The following ANK3 variants were observed in gnomAD, a reference collection of about 807,000 sequenced individuals.
ANK3 encodes the protein ankyrin-3.
In ANK3, 57 loss-of-function variants were observed where a neutral mutation model predicts 370.9. The ratio of observed to expected loss-of-function variants is 0.15; its 90% CI spans 0.12 to 0.19. The LOEUF (loss-of-function observed/expected upper bound fraction) is 0.19, where lower values mean the gene tolerates loss of function less well. ANK3 is among the 10% of genes least tolerant of loss of function. The pLI, the probability that ANK3 is intolerant of heterozygous loss-of-function variation, is 1.00. For missense variants in ANK3, 4,439 were observed against 5,302.1 expected, an observed-to-expected ratio of 0.84 and a Z score of 5.06; for synonymous variants, 1,929 against 1,946.3, an observed-to-expected ratio of 0.99 and a Z score of 0.23.
intron 2 of ANK3, among the ~76,000 whole-genome samples, chr10:60,433,456 G>A (rs548091399): frequency 6.6e-6 from 1 of 152,248 alleles, no homozygotes; most frequent in East Asian, 1.9e-4. Context: ...CCCAGGTGTA[G>A]TGGTGCACAA....
At chr10:60,613,796 G>A (rs541726026) in intron 2 of ANK3, among the ~76,000 whole-genome samples, 12 of 152,204 alleles carry the variant, frequency 7.9e-5, no homozygotes, top group African/African-American at 2.6e-4. Flanking sequence ...AATTCAGACC[G>A]GGTACCATGG....
At position 60,072,738 on chromosome 10, in the gene ANK3, G is replaced by C; in HGVS notation, c.8143C>G (p.Leu2715Val). ...QSGFQLKQSK[L>V]SSIRLKFEQG... ...TCAAATTTTAATCTAATGGAACTGA[G>C]TTTAGATTGTTTGAGCTGGAATCCA... Residue 2715 changes from leucine (L) to valine (V), a missense_variant, in exon 37 of 44, where the codon CTC becomes GTC. Physicochemically the swap from Leu to Val is conservative, Grantham distance 32. Coordinates refer to ENST00000280772, the MANE Select transcript of ANK3 (RefSeq NM_020987.5). 1 of 1,614,124 alleles carries C rather than the reference G, an allele frequency of 6.2e-7. No individual in the cohort carries two copies. Among genetic ancestry groups the C allele is most frequent in the Non-Finnish European group, 8.5e-7 (1 of 1,180,014 alleles).
In ANK3 at chr10:60,134,310, G is replaced by A. The variant is rs1352588258; in HGVS notation, c.2802C>T (p.Ser934=). The change falls in exon 25 of 44, where the codon AGC becomes AGT. Residue 934 remains serine, a synonymous_variant. Coordinates refer to ENST00000280772, the MANE Select transcript of ANK3 (RefSeq NM_020987.5). ...TLNRSSYARD[S]MMIEELLVPS... is the part of the protein sequence containing the mutation. ...GCACAAGGAGTTCTTCAATCATCATGCTGTCCCGTGCATAGGAGCTTCTGT... is the reference window on the plus strand; with the variant it reads ...GCACAAGGAGTTCTTCAATCATCATACTGTCCCGTGCATAGGAGCTTCTGT... 2 of 1,613,918 alleles carry A rather than the reference G, an allele frequency of 1.2e-6. No individual in the cohort carries two copies. The highest frequency in any genetic ancestry group is 2.2e-5 in the South Asian group (2 of 91,070).
intron 17 of ANK3, among the ~76,000 whole-genome samples, chr10:60,186,345 G>GTC (rs9299439): frequency 5.9e-5 from 7 of 117,746 alleles, no homozygotes; most frequent in African/African-American, 2.1e-4. Flanking sequence ...TTATCTTTCT[G>GTC]TCTTTTTTTT....
intron 2 of ANK3, among the ~76,000 whole-genome samples, chr10:60,563,334 C>T (rs920952390): frequency 6.6e-6 from 1 of 152,118 alleles, no homozygotes; most frequent in African/African-American, 2.4e-5. Context: ...CAAAAACAAG[C>T]CCCTTTCCTC....
rs1225954107 is a variant in ANK3 at position 60,196,597 on chromosome 10, G to A, written c.1718C>T (p.Ala573Val). 6 of 1,609,076 alleles carry A rather than the reference G, an allele frequency of 3.7e-6. No homozygotes were observed. Among genetic ancestry groups the A allele is most frequent in the Non-Finnish European group, 5.1e-6 (6 of 1,178,202 alleles). ...GGCGACTTCAAGCTTTCCATATTTT[G>A]CTGCCACATGAAGAGGAGTAAATCC... The part of the protein sequence containing the change: ...KKGFTPLHVA[A>V]KYGKLEVANL... The change falls in exon 15 of 44, where the codon GCA becomes GTA. Residue 573 changes from alanine (A) to valine (V), a missense_variant. Ala to Val is a moderately conservative substitution (Grantham distance 64, BLOSUM62 0). Transcript: ENST00000280772.
At chr10:60,415,921 C>CCG (rs2063655232) in intron 2 of ANK3, among the ~76,000 whole-genome samples, 1 of 111,962 alleles carries the variant, frequency 8.9e-6, no homozygotes, top group Non-Finnish European at 1.9e-5. Flanking sequence ...TTTGTGCCCC[C>CCG]CACCCCCCCG....
rs74770827 is a variant in ANK3 at position 60,302,560 on chromosome 10, G to A, written c.115-22921C>T. Among the ~76,000 whole-genome samples, 1,035 of 152,240 alleles carry A rather than the reference G, an allele frequency of 6.8e-3. 29 individuals carry two copies. The East Asian group carries it at 0.096, about 14-fold the overall frequency. The stretch of plus-strand genomic sequence containing the variant: ...TTCTCTGTTTGTGAGAAAGAAGCTA[G>A]AGTTCAGAGAGATCAAGAACTTGCC... On this transcript the variant is annotated intron_variant, in intron 1 of 43. Coordinates refer to ENST00000280772, the MANE Select transcript of ANK3 (RefSeq NM_020987.5).
intron 2 of ANK3, among the ~76,000 whole-genome samples, chr10:60,584,624 A>AAAC (rs1017206382): frequency 2.0e-5 from 3 of 152,092 alleles, no homozygotes; most frequent in African/African-American, 4.8e-5. Flanking sequence ...CTCCTAATGA[A>AAAC]AACAACAACA....
intron 2 of ANK3, among the ~76,000 whole-genome samples, chr10:60,497,663 A>G (rs973686277): frequency 6.6e-6 from 1 of 152,216 alleles, no homozygotes; most frequent in Non-Finnish European, 1.5e-5. Flanking sequence ...GGTATTCTTT[A>G]TAATAGTATT....
At chr10:60,488,150 C>T (rs182411007) in intron 2 of ANK3, among the ~76,000 whole-genome samples, 5 of 152,248 alleles carry the variant, frequency 3.3e-5, no homozygotes, top group Admixed American at 2.0e-4. Flanking sequence ...GAAACAAATA[C>T]TAAAAAGTGT....
chr10:60,557,857 G>T (rs1407052302), intron 2 of ANK3, among the ~76,000 whole-genome samples: 1 of 152,132 alleles, frequency 6.6e-6, no homozygotes, highest in East Asian at 1.9e-4. Flanking sequence ...ACACTTCACT[G>T]CATTGTTGTT....
intron 1 of ANK3, among the ~76,000 whole-genome samples, chr10:60,343,424 T>C (rs751457955): frequency 7.2e-5 from 11 of 152,102 alleles, no homozygotes; most frequent in Non-Finnish European, 8.8e-5. Flanking sequence ...ATAAACGTAA[T>C]CTCTGGAAGA....
At chr10:60,048,502 G>T (rs1489624245) in intron 42 of ANK3, among the ~76,000 whole-genome samples, 1 of 152,106 alleles carries the variant, frequency 6.6e-6, no homozygotes, top group Non-Finnish European at 1.5e-5. Flanking sequence ...GACCCCTGCA[G>T]ATAGCAAAAT....
At chr10:60,357,427 C>T (rs375974921) in intron 1 of ANK3, among the ~76,000 whole-genome samples, 8 of 152,282 alleles carry the variant, frequency 5.3e-5, no homozygotes, top group African/African-American at 1.9e-4. Context: ...TATCGATCAC[C>T]TCCCTCTTAT....
chr10:60,342,190 C>G (rs2054432105), intron 1 of ANK3, among the ~76,000 whole-genome samples: 1 of 152,042 alleles, frequency 6.6e-6, no homozygotes. Context: ...AAGCATGAAT[C>G]AGACTGAAAT....
rs557461985 is a variant in ANK3, at chr10:60,171,045, A to G, written c.2478+1263T>C. ...GTTCTCTTCTCCTTTCCTATCCTAG[A>G]TAGAGCTACATGGGATATAAAATTA... On this transcript the variant is annotated intron_variant, in intron 21 of 43. Coordinates refer to ENST00000280772, the MANE Select transcript of ANK3 (RefSeq NM_020987.5). Among the ~76,000 whole-genome samples, 166 of 152,286 alleles carry G rather than the reference A, an allele frequency of 1.1e-3. 2 individuals carry two copies. The highest frequency in any genetic ancestry group is 3.6e-3 in the African/African-American group (150 of 41,552).
At chr10:60,710,158 G>A (rs1444469831) in intron 1 of ANK3, among the ~76,000 whole-genome samples, 2 of 152,138 alleles carry the variant, frequency 1.3e-5, no homozygotes, top group Non-Finnish European at 2.9e-5. Context: ...CTATAAGAGA[G>A]CACTTTTTAC....
chr10:60,139,266 T>A, intron 23 of ANK3, 179 bp from the exon 24 acceptor site: 5 of 624,944 alleles, frequency 8.0e-6, no homozygotes, highest in Non-Finnish European at 1.3e-5. Context: ...TAAAGGTTAG[T>A]ACACAATTTC....
Sources: gnomAD v4.1 joint callset for allele counts (sites outside exome capture counted in the v4.1 genomes callset) on GRCh38, gnomAD v4.1.1 for gene constraint, MANE v1.5 for transcripts, NCBI Gene and HGNC (gene_info 2026-07-23, HGNC 2026-07-21) for gene names.